Variants in PCDH11Y observed in about 807,000 individuals in gnomAD.
PCDH11Y encodes protocadherin 11 Y-linked, also known as protocadherin-11 Y-linked.
For missense variants in PCDH11Y, 12 were observed against 224.8 expected (o/e 0.05, Z 6.05); for synonymous variants, 9 against 83.6 (o/e 0.11, Z 4.87).
chrY:5,011,511 T>C, intron 1 of PCDH11Y, among the ~76,000 whole-genome samples: 1 of 33,857 alleles, frequency 3.0e-5, no homozygotes, highest in Non-Finnish European at 7.3e-5. Flanking sequence ...GAAGAACTTC[T>C]TTTTATTTTC....
intron 1 of PCDH11Y, among the ~76,000 whole-genome samples, chrY:5,079,691 AATT>A (rs2052716585): frequency 3.1e-5 from 1 of 32,215 alleles, no homozygotes; most frequent in East Asian, 8.5e-4. Flanking sequence ...CTCATGAAAC[AATT>A]ATTTTTTTCT....
intron 3 of PCDH11Y, among the ~76,000 whole-genome samples, chrY:5,510,099 G>A (rs1159131482): frequency 4.4e-5 from 1 of 22,662 alleles, no homozygotes; most frequent in Non-Finnish European, 1.1e-4. Context: ...GCAGTGAGCC[G>A]AGATGGCACC....
At chrY:5,328,794 C>A (rs200957583) in intron 2 of PCDH11Y, among the ~76,000 whole-genome samples, 1 of 31,101 alleles carries the variant, frequency 3.2e-5, no homozygotes, top group Non-Finnish European at 7.7e-5. Flanking sequence ...GTGGAGGCTG[C>A]GGAAGAATTG....
At chrY:5,706,036 C>CT (rs748004340) in intron 4 of PCDH11Y, among the ~76,000 whole-genome samples, 87 of 18,808 alleles carry the variant, frequency 4.6e-3, no homozygotes, top group Middle Eastern at 0.027. Flanking sequence ...ACACAGAAGC[C>CT]TTTTTTTTTT....
At chrY:5,638,899 G>A in intron 4 of PCDH11Y, among the ~76,000 whole-genome samples, 1 of 27,059 alleles carries the variant, frequency 3.7e-5, no homozygotes, top group Non-Finnish European at 8.6e-5. Flanking sequence ...CAGTCAAATA[G>A]TATACTTCAT....
intron 2 of PCDH11Y, among the ~76,000 whole-genome samples, chrY:5,217,696 C>T: frequency 5.9e-5 from 2 of 33,686 alleles, no homozygotes; most frequent in Admixed American, 5.4e-4. Flanking sequence ...ATTGGCCACA[C>T]AGGTTGTACC....
chrY:5,386,492 A>G, intron 2 of PCDH11Y, among the ~76,000 whole-genome samples: 1 of 32,380 alleles, frequency 3.1e-5, no homozygotes, highest in East Asian at 8.0e-4. Context: ...AATGCCAATT[A>G]TCTTAGGTTT....
At chrY:5,047,403 G>A in intron 3 of PCDH11Y, among the ~76,000 whole-genome samples, 4 of 31,944 alleles carry the variant, frequency 1.3e-4, no homozygotes, top group Non-Finnish European at 3.1e-4. Flanking sequence ...CTTGAGAAAC[G>A]TCTAATTTTT....
chrY:5,385,972 G>C (rs2053214578), intron 2 of PCDH11Y, among the ~76,000 whole-genome samples: 2 of 33,282 alleles, frequency 6.0e-5, no homozygotes, highest in Non-Finnish European at 1.5e-4. Flanking sequence ...TCTTTAAAGA[G>C]GTTATGTTTT....
intron 1 of PCDH11Y, among the ~76,000 whole-genome samples, chrY:5,026,743 C>T: frequency 1.5e-4 from 5 of 33,227 alleles, no homozygotes; most frequent in African/African-American, 2.3e-4. Flanking sequence ...AATCTTCTGG[C>T]GTTCTTTAAA....
At chrY:5,491,571 C>T in intron 2 of PCDH11Y, among the ~76,000 whole-genome samples, 1 of 31,582 alleles carries the variant, frequency 3.2e-5, no homozygotes, top group Non-Finnish European at 7.7e-5. Flanking sequence ...CAACTTGCCA[C>T]GTTGGGGGTG....
intron 2 of PCDH11Y, among the ~76,000 whole-genome samples, chrY:5,394,310 CA>C: frequency 2.9e-5 from 1 of 34,764 alleles, no homozygotes; most frequent in Admixed American, 2.6e-4. Context: ...TTTATAGGGA[CA>C]AAACCCGAGG....
At chrY:5,032,760 G>A (rs760565145) in intron 3 of PCDH11Y, 9 of 334,337 alleles carry the variant, frequency 2.7e-5, no homozygotes, top group South Asian at 1.1e-4. Context: ...TATCATATAC[G>A]TCTCCTTTCC....
intron 2 of PCDH11Y, among the ~76,000 whole-genome samples, chrY:5,458,450 A>G (rs2053300263): frequency 3.1e-5 from 1 of 32,043 alleles, no homozygotes; most frequent in Admixed American, 2.9e-4. Context: ...AGAAAATGTC[A>G]TTAACTATTT....
At chrY:5,049,086 CCA>C (rs2052647215) in intron 3 of PCDH11Y, among the ~76,000 whole-genome samples, 2 of 31,150 alleles carry the variant, frequency 6.4e-5, no homozygotes, top group Non-Finnish European at 1.5e-4. Flanking sequence ...AGAAAGGGGT[CCA>C]GTTTCAATTG....
intron 2 of PCDH11Y, among the ~76,000 whole-genome samples, chrY:5,155,452 T>A (rs2563135): frequency 1.2e-4 from 4 of 32,579 alleles, no homozygotes; most frequent in African/African-American, 3.6e-4. Flanking sequence ...TTAGCTATTC[T>A]TCCTGATGCT....
chrY:5,731,796 A>C (rs2053604940), intron 4 of PCDH11Y, among the ~76,000 whole-genome samples: 1 of 27,730 alleles, frequency 3.6e-5, no homozygotes, highest in African/African-American at 1.4e-4. Flanking sequence ...TTTGTAGACC[A>C]AGAAAAACTT....
chrY:5,353,613 T>G, intron 2 of PCDH11Y, among the ~76,000 whole-genome samples: 1 of 32,964 alleles, frequency 3.0e-5, no homozygotes, highest in Non-Finnish European at 7.4e-5. Flanking sequence ...CAATTAAGAA[T>G]TCTTATTTTT....
At chrY:5,268,939 A>G in intron 2 of PCDH11Y, among the ~76,000 whole-genome samples, 1 of 31,523 alleles carries the variant, frequency 3.2e-5, no homozygotes, top group African/African-American at 1.2e-4. Flanking sequence ...CCCTTTCCAT[A>G]TAAATAATAA....
Sources: allele counts gnomAD v4.1 joint callset (sites outside exome capture counted in the v4.1 genomes callset), GRCh38; gene constraint gnomAD v4.1.1; transcripts MANE v1.5; gene names NCBI Gene and HGNC (gene_info 2026-07-23, HGNC 2026-07-21).